Variants in CDK5RAP3 observed in about 807,000 individuals in gnomAD.
CDK5RAP3 encodes the protein CDK5 regulatory subunit-associated protein 3.
In CDK5RAP3, 58 loss-of-function variants were observed where a neutral mutation model predicts 73.3. That is an observed-to-expected ratio of 0.79 (90% CI 0.64 to 0.98). CDK5RAP3 has a LOEUF of 0.98. Ranked by LOEUF, CDK5RAP3 falls within the 50% of genes least tolerant of loss-of-function variation. The pLI is 0.00. For missense variants in CDK5RAP3, 525 were observed against 615.8 expected, an observed-to-expected ratio of 0.85 and a Z score of 1.56; for synonymous variants, 224 against 247.5, an observed-to-expected ratio of 0.91 and a Z score of 0.89.
At chr17:47,970,815 C>A (rs2036241234), upstream of CDK5RAP3, 6 of 1,423,994 alleles carry the variant, frequency 4.2e-6, no homozygotes, top group African/African-American at 1.4e-5. Context: ...CCAGGGGAAG[C>A]GGCTGCCAGG....
upstream of CDK5RAP3, among the ~76,000 whole-genome samples, chr17:47,969,388 C>G (rs536194633): frequency 3.7e-3 from 569 of 151,920 alleles, 1 homozygote; most frequent in Non-Finnish European, 6.3e-3. Context: ...GACCTCGTCT[C>G]TACTAAAAAT....
intron 1 of CDK5RAP3, 34 bp downstream of exon 1, chr17:47,971,186 G>A: frequency 6.5e-7 from 1 of 1,538,334 alleles, no homozygotes; most frequent in African/African-American, 1.4e-5. Context: ...GCTGGGGACT[G>A]GCCGCGGACC....
chr17:47,975,947 G>C lies in CDK5RAP3; in HGVS notation c.732G>C (p.Gly244=), dbSNP rs1195343667. 1 of 1,614,186 alleles carries C rather than the reference G, an allele frequency of 6.2e-7. No homozygotes were observed. Among genetic ancestry groups the C allele is most frequent in the East Asian group, 2.2e-5 (1 of 44,882 alleles). Residue 244 remains glycine, a synonymous_variant, in exon 8 of 14, where the codon GGG becomes GGC. Transcript: ENST00000338399. ...CAACGGTGTACGAGTGGAGGACAGG[G>C]ACAGAGCCCTCTGTGGTGGAACGAC... ...GNSTVYEWRT[G]TEPSVVERPH...
Position 47,978,880 on chromosome 17 carries a change from C to T in CDK5RAP3, c.1040C>T (p.Thr347Ile). 2 of 1,614,038 alleles carry T rather than the reference C, an allele frequency of 1.2e-6. No homozygotes were observed. Among genetic ancestry groups the T allele is most frequent in the South Asian group, 1.1e-5 (1 of 91,082 alleles). ...GATGCCCTGACACTGCTTGAATACA[C>T]TGAGACCCGGAATCAGTTCCTTGAT... Reference protein sequence around the residue: ...GPDALTLLEYTETRNQFLDEL... With the variant: ...GPDALTLLEYIETRNQFLDEL... The change falls in exon 11 of 14, where the codon ACT becomes ATT. Residue 347 changes from threonine (T) to isoleucine (I), a missense_variant. Thr to Ile is a moderately conservative substitution (Grantham distance 89, BLOSUM62 -1). Around this residue, in one of 2 missense-constraint regions of CDK5RAP3, gnomAD observed 116 missense variants for 186.1 expected, o/e 0.62. Transcript: ENST00000338399.
chr17:47,973,609 T>G lies in CDK5RAP3; in HGVS notation c.143T>G (p.Met48Arg), dbSNP rs1171326585. The G allele has an allele frequency of 1.2e-6, 2 of 1,614,062 alleles. No individual in the cohort carries two copies. ...REKINAAIQD[M>R]PESEEIAQLL... ...AAGATCAATGCTGCCATCCAGGACA[T>G]GCCAGAGAGCGAAGAGATCGCCCAG... is the stretch of plus-strand genomic sequence containing the variant. The change falls in exon 3 of 14, where the codon ATG becomes AGG. Residue 48 changes from methionine (M) to arginine (R), a missense_variant. By Grantham distance (91) the Met-to-Arg change is moderately conservative. Around this residue, in one of 2 missense-constraint regions of CDK5RAP3, gnomAD observed 409 missense variants for 429.8 expected, o/e 0.95. Transcript: ENST00000338399.
chr17:47,978,698 G>T, intron 10 of CDK5RAP3, 131 bp from the exon 11 acceptor site: 1 of 667,298 alleles, frequency 1.5e-6, no homozygotes, highest in Non-Finnish European at 2.6e-6. Context: ...CTTCCCCCTT[G>T]GATTAGAACA....
At chr17:47,976,578 G>A (rs2036416768) in intron 8 of CDK5RAP3, 134 bp from the exon 9 acceptor site, 2 of 619,926 alleles carry the variant, frequency 3.2e-6, no homozygotes, top group Admixed American at 2.5e-5. Flanking sequence ...TGCCCAGGCT[G>A]GTCTCAAACT....
chr17:47,975,271 G>A lies in CDK5RAP3; in HGVS notation c.447G>A (p.Glu149=). ...AAGAATACAGCCGCAAGGAGGAGGA[G>A]TGCCAGGCAGGGGCTGCCGAGATGC... ...LQQEYSRKEE[E]CQAGAAEMRE... is the part of the protein sequence containing the mutation. The change falls in exon 6 of 14, where the codon GAG becomes GAA. Residue 149 remains glutamate, a synonymous_variant. Coordinates refer to ENST00000338399, the MANE Select transcript of CDK5RAP3 (RefSeq NM_176096.3). 1 of 1,614,208 alleles carries A rather than the reference G, an allele frequency of 6.2e-7. No individual in the cohort carries two copies.
At chr17:47,979,009 G>A in intron 11 of CDK5RAP3, 92 bp downstream of exon 11, 3 of 900,444 alleles carry the variant, frequency 3.3e-6, no homozygotes, top group Non-Finnish European at 3.7e-6. Flanking sequence ...TCCTGTTTGT[G>A]TGAAGGGTGT....
upstream of CDK5RAP3, chr17:47,970,931 T>C: frequency 6.9e-7 from 1 of 1,450,068 alleles, no homozygotes; most frequent in Non-Finnish European, 9.0e-7. Flanking sequence ...CTGTCTCCAT[T>C]CTCCCGCCCC....
At chr17:47,971,786 A>G (rs2036276256) in intron 2 of CDK5RAP3, among the ~76,000 whole-genome samples, 1 of 152,106 alleles carries the variant, frequency 6.6e-6, no homozygotes, top group Non-Finnish European at 1.5e-5. Flanking sequence ...CCTGACCAAC[A>G]TGGAGAAACC....
rs758396230 is a variant in CDK5RAP3, at chr17:47,974,461, G to A, written c.334+13G>A. 1.5e-5 allele frequency: 24 copies of A among 1,614,054 alleles called. No homozygotes were observed. In the Admixed American group the frequency reaches 2.7e-4, roughly 18 times the overall value. ...AACACCTACTTAGGTAAAGTGGCCC[G>A]GCCTGGGAGCCCTGGTATCCATGGG... is the stretch of plus-strand genomic sequence containing the variant. On this transcript the variant is annotated intron_variant, in intron 5 of 13. Transcript: ENST00000338399.
chr17:47,981,733 A>C lies in CDK5RAP3; in HGVS notation c.*231A>C. 2 of 1,520,192 alleles carry C rather than the reference A, an allele frequency of 1.3e-6. No homozygotes were observed. The allele number at this position is 1,520,192 out of a possible 1,614,324, so 94.2% of individuals were successfully genotyped here. On this transcript the variant is annotated 3_prime_UTR_variant, in exon 14 of 14. Transcript: ENST00000338399. ...GGCGAAAACCACAGATTCTCCTTCT[A>C]GTTAGTATAGCGGACTTAATAAAAG...
At position 47,974,011 on chromosome 17, in the gene CDK5RAP3, T is replaced by C. The variant is rs2036332921; in HGVS notation, c.265T>C (p.Tyr89His). ...EASTKNIFGR[Y>H]SSQRMKDWQE... ...CTCCACGAAGAATATTTTTGGCCGA[T>C]ACTCTTCACAGCGGATGAAGGCAAG... is the stretch of plus-strand genomic sequence containing the variant. The change falls in exon 4 of 14, where the codon TAC (tyrosine) becomes CAC (histidine). Residue 89 changes from tyrosine (Y) to histidine (H), a missense_variant. Tyr to His is a moderately conservative substitution (Grantham distance 83). Around this residue, in one of 2 missense-constraint regions of CDK5RAP3, gnomAD observed 409 missense variants for 429.8 expected, o/e 0.95. Coordinates refer to ENST00000338399, the MANE Select transcript of CDK5RAP3 (RefSeq NM_176096.3). 5 of 1,613,650 alleles carry C rather than the reference T, an allele frequency of 3.1e-6. No individual in the cohort carries two copies. The highest frequency in any genetic ancestry group is 4.2e-6 in the Non-Finnish European group (5 of 1,179,620).
chr17:47,970,816 G>T, upstream of CDK5RAP3: 2 of 1,419,078 alleles, frequency 1.4e-6, no homozygotes, highest in Non-Finnish European at 1.9e-6. Context: ...CAGGGGAAGC[G>T]GCTGCCAGGC....
chr17:47,977,888 A>G lies in CDK5RAP3; in HGVS notation c.966A>G (p.Thr322=). ...ACGATGCTGTTGCTTTGCAGATCAC[A>G]GTGCTGGAAGCAGGAACCCAGGGTA... is the stretch of plus-strand genomic sequence containing the variant. ...WGDDAVALQI[T]VLEAGTQAPE... The change falls in exon 10 of 14, where the codon ACA becomes ACG. Residue 322 remains threonine (T), a synonymous_variant. Coordinates refer to ENST00000338399, the MANE Select transcript of CDK5RAP3 (RefSeq NM_176096.3). 6.2e-7 allele frequency: 1 copy of G among 1,614,106 alleles called. No homozygotes were observed. The highest frequency in any genetic ancestry group is 1.1e-5 in the South Asian group (1 of 91,078).
intron 11 of CDK5RAP3, 30 bp from the exon 12 acceptor site, chr17:47,980,563 A>AC: frequency 6.2e-7 from 1 of 1,604,804 alleles, no homozygotes. Flanking sequence ...CATCATGTAC[A>AC]GCCTGAACCA....
upstream of CDK5RAP3, among the ~76,000 whole-genome samples, chr17:47,968,400 C>T (rs996257385): frequency 6.6e-6 from 1 of 152,090 alleles, no homozygotes; most frequent in African/African-American, 2.4e-5. Flanking sequence ...TTGCAACCTC[C>T]GCCTCCCAAG....
At chr17:47,974,595 T>C in intron 5 of CDK5RAP3, 147 bp downstream of exon 5, 1 of 1,490,266 alleles carries the variant, frequency 6.7e-7, no homozygotes. Flanking sequence ...TAAAATCAAT[T>C]GTTTTTGATG....
Sources: gnomAD v4.1 joint callset for allele counts (sites outside exome capture counted in the v4.1 genomes callset) on GRCh38, gnomAD v4.1.1 for gene constraint, gnomAD v4.1.1 regional missense constraint, MANE v1.5 for transcripts, NCBI Gene and HGNC (gene_info 2026-07-23, HGNC 2026-07-21) for gene names.